The following KYAT3 variants were observed in gnomAD, a reference collection of about 807,000 sequenced individuals.
KYAT3 encodes kynurenine aminotransferase 3.
A neutral mutation model predicts 59.0 loss-of-function variants in KYAT3; 50 were observed. The observed-to-expected ratio is 0.85, with a 90% CI of 0.68 to 1.07. The LOEUF (loss-of-function observed/expected upper bound fraction) is 1.07. Ranked by LOEUF, KYAT3 falls within the 50% of genes least tolerant of loss-of-function variation. KYAT3 has a pLI of 0.00. For missense variants in KYAT3, 497 were observed against 533.3 expected, an observed-to-expected ratio of 0.93 and a Z score of 0.67; for synonymous variants, 148 against 177.0, an observed-to-expected ratio of 0.84 and a Z score of 1.30.
At chr1:88,927,580 C>T in the KYAT3 span, among the ~76,000 whole-genome samples, 1 of 152,158 alleles carries the variant, frequency 6.6e-6, no homozygotes, top group East Asian at 1.9e-4. Flanking sequence ...ATAAGGACCC[C>T]CCTTCAACCC....
chr1:88,971,627 G>A (rs576965427), intron 2 of KYAT3, among the ~76,000 whole-genome samples: 5 of 152,292 alleles, frequency 3.3e-5, no homozygotes, highest in Admixed American at 2.6e-4. Flanking sequence ...TATCTTGTCT[G>A]CCAAGCACCC....
chr1:88,988,177 C>A, intron 2 of KYAT3, 75 bp downstream of exon 2: 4 of 890,928 alleles, frequency 4.5e-6, no homozygotes, highest in South Asian at 1.6e-5. Flanking sequence ...TGTAAAAAAG[C>A]ATCTGAAAAA....
chr1:88,969,752 C>T (rs901999329), intron 2 of KYAT3, among the ~76,000 whole-genome samples: 2 of 152,096 alleles, frequency 1.3e-5, no homozygotes, highest in African/African-American at 4.8e-5. Context: ...AGTGATCCTC[C>T]TGCCTCAGTC....
At chr1:88,924,612 G>A in the KYAT3 span, among the ~76,000 whole-genome samples, 6 of 152,270 alleles carry the variant, frequency 3.9e-5, no homozygotes, top group South Asian at 1.0e-3. Context: ...GTTCTGGTCC[G>A]TGTTTGTTAC....
intron 1 of KYAT3, among the ~76,000 whole-genome samples, chr1:88,992,180 G>T (rs1677844397): frequency 6.6e-6 from 1 of 151,768 alleles, no homozygotes; most frequent in Admixed American, 6.5e-5. Flanking sequence ...GGGTTTCACC[G>T]TGTTAGCCAG....
At chr1:88,990,280 A>AAAGC (rs1677707257) in intron 1 of KYAT3, among the ~76,000 whole-genome samples, 1 of 148,842 alleles carries the variant, frequency 6.7e-6, no homozygotes, top group African/African-American at 2.4e-5. Context: ...AAAAACATAA[A>AAAGC]AAACAAACAA....
chr1:88,977,227 G>A (rs1319936379), intron 2 of KYAT3, among the ~76,000 whole-genome samples: 4 of 151,572 alleles, frequency 2.6e-5, no homozygotes, highest in African/African-American at 9.7e-5. Context: ...TTGAGACGAC[G>A]TTTCGCTCTT....
At chr1:88,976,109 A>G (rs1274829984) in intron 2 of KYAT3, among the ~76,000 whole-genome samples, 4 of 152,072 alleles carry the variant, frequency 2.6e-5, no homozygotes, top group Non-Finnish European at 5.9e-5. Context: ...CTGTAATCCC[A>G]GCACTTTGGG....
intron 2 of KYAT3, among the ~76,000 whole-genome samples, chr1:88,985,322 G>A (rs745525385): frequency 2.0e-5 from 3 of 152,176 alleles, no homozygotes; most frequent in Non-Finnish European, 2.9e-5. Flanking sequence ...CCCAATCACA[G>A]CTATAAATCA....
intron 4 of KYAT3, among the ~76,000 whole-genome samples, chr1:88,965,753 C>T (rs1470449959): frequency 1.3e-5 from 2 of 152,100 alleles, no homozygotes; most frequent in East Asian, 3.9e-4. Context: ...TCTACCTCCT[C>T]ATTTTGCTTT....
At chr1:88,979,854 G>C (rs1247885119) in intron 2 of KYAT3, 1 of 152,222 alleles carries the variant, frequency 6.6e-6, no homozygotes, top group Non-Finnish European at 1.5e-5. Flanking sequence ...TGTCTACACA[G>C]TGGCTTGTAC....
chr1:88,975,630 T>C (rs965710367), intron 2 of KYAT3, among the ~76,000 whole-genome samples: 5 of 152,246 alleles, frequency 3.3e-5, no homozygotes, highest in Admixed American at 1.3e-4. Flanking sequence ...CATTTAACTT[T>C]TGATTTACTT....
intron 4 of KYAT3, among the ~76,000 whole-genome samples, chr1:88,967,642 A>C (rs1676395716): frequency 6.6e-6 from 1 of 152,096 alleles, no homozygotes; most frequent in African/African-American, 2.4e-5. Context: ...TCTTTTAAAT[A>C]ATCTGTTCAT....
intron 6 of KYAT3, 91 bp from the exon 7 acceptor site, chr1:88,961,597 A>G (rs1167550241): frequency 8.7e-7 from 1 of 1,152,460 alleles, no homozygotes; most frequent in Non-Finnish European, 1.2e-6. Flanking sequence ...AAAAACATCA[A>G]AGAAAGTCAT....
chr1:88,924,697 C>G, the KYAT3 span, among the ~76,000 whole-genome samples: 39 of 152,230 alleles, frequency 2.6e-4, no homozygotes, highest in East Asian at 1.3e-3. Context: ...TGACTTCCAT[C>G]TCTCCAGATC....
At chr1:88,960,714 C>T (rs1411394653) in intron 8 of KYAT3, among the ~76,000 whole-genome samples, 1 of 152,140 alleles carries the variant, frequency 6.6e-6, no homozygotes, top group Non-Finnish European at 1.5e-5. Context: ...GTACGGCATT[C>T]ATGAGATAGC....
chr1:88,961,645 C>T, intron 6 of KYAT3, 139 bp from the exon 7 acceptor site: 1 of 710,660 alleles, frequency 1.4e-6, no homozygotes, highest in Non-Finnish European at 2.3e-6. Context: ...CAAATGCTTT[C>T]CTGCAGTAGG....
At chr1:88,983,883 C>T in intron 2 of KYAT3, 1 of 1,608,192 alleles carries the variant, frequency 6.2e-7, no homozygotes, top group East Asian at 2.2e-5. Context: ...CCAACAAGCT[C>T]GCCGACAGGG....
At chr1:88,941,403 A>C (rs963951882) in intron 13 of KYAT3, among the ~76,000 whole-genome samples, 1 of 152,224 alleles carries the variant, frequency 6.6e-6, no homozygotes, top group African/African-American at 2.4e-5. Flanking sequence ...CAGCAGTAAC[A>C]CACTTGGAAC....
Sources: allele counts gnomAD v4.1 joint callset (sites outside exome capture counted in the v4.1 genomes callset), GRCh38; gene constraint gnomAD v4.1.1; transcripts MANE v1.5; gene names NCBI Gene and HGNC (gene_info 2026-07-23, HGNC 2026-07-21).